The following IVD variants were observed in gnomAD, a reference collection of about 807,000 sequenced individuals.
The protein encoded by IVD is isovaleryl-CoA dehydrogenase, mitochondrial.
A neutral mutation model predicts 51.3 loss-of-function variants in IVD; 31 were observed. The ratio of observed to expected loss-of-function variants is 0.60; its 90% CI spans 0.45 to 0.81. The LOEUF (loss-of-function observed/expected upper bound fraction) is 0.81, where lower values mean the gene tolerates loss of function less well. Among genes scored for constraint, IVD ranks in the 40% least tolerant of loss-of-function variants. The pLI is 0.00. For synonymous variants in IVD, 205 were observed against 219.4 expected, an observed-to-expected ratio of 0.93 and a Z score of 0.58; for missense variants, 475 against 552.0, an observed-to-expected ratio of 0.86 and a Z score of 1.40.
rs1256658195 is a variant in IVD at position 40,415,449 on chromosome 15, G to C, written c.927G>C (p.Arg309Ser). 6.2e-7 allele frequency: 1 copy of C among 1,614,202 alleles called. No individual in the cohort carries two copies. ...LDHTIPYLHV[R>S]EAFGQKIGHF... is the part of the protein sequence containing the mutation. ...ACACCATTCCCTACCTGCACGTGAG[G>C]GAAGCCTTTGGCCAGAAGATCGGCC... The change falls in exon 9 of 12, where the codon AGG becomes AGC. Residue 309 changes from arginine (R) to serine (S), a missense_variant. Coordinates refer to ENST00000487418, the MANE Select transcript of IVD (RefSeq NM_002225.5).
At chr15:40,425,197 T>C (rs976492570), downstream of IVD, among the ~76,000 whole-genome samples, 5 of 152,112 alleles carry the variant, frequency 3.3e-5, no homozygotes, top group African/African-American at 1.2e-4. Flanking sequence ...TGGGAGAGTA[T>C]ATACATGCAC....
chr15:40,435,360 C>T lies in IVD; in HGVS notation c.781-57C>T, dbSNP rs570241887. ...AAGAGATGGTAGAGCTCCTGGTTGG[C>T]AGGCAGGAGCCGCTGGGGTTGTGGA... On this transcript the variant is annotated intron_variant, in intron 8 of 8. Coordinates refer to the IVD transcript ENST00000473112. 4.5e-4 allele frequency: 448 copies of T among 1,000,468 alleles called. 6 individuals carry two copies. In the South Asian group the frequency reaches 0.01, roughly 23 times the overall value. 62.0% of individuals were successfully genotyped at this position (1,000,468 alleles called of 1,614,324 possible).
At chr15:40,413,268 C>T in intron 7 of IVD, 181 bp downstream of exon 7, 1 of 653,120 alleles carries the variant, frequency 1.5e-6, no homozygotes, top group Non-Finnish European at 2.8e-6. Flanking sequence ...CAGGGCCCTG[C>T]AGCGGCATGC....
In IVD at chr15:40,418,628, G is replaced by A. The variant is rs934200186; in HGVS notation, c.*365G>A. 1.0e-4 allele frequency: 115 copies of A among 1,124,772 alleles called. 1 individual carries two copies. The African/African-American group carries it at 1.8e-3, about 17-fold the overall frequency. The allele number at this position is 1,124,772 out of a possible 1,614,324, so 69.7% of individuals were successfully genotyped here. A position where few individuals can be genotyped will look rare whatever the true frequency, so the allele number is the denominator to read the frequency against. On this transcript the variant is annotated 3_prime_UTR_variant, in exon 12 of 12. Transcript: ENST00000487418. ...CCACCTCCCAGGGTAGGCACCTGGG[G>A]GCATGCAGGTACCCACCTCTTTCTC...
intron 1 of IVD, among the ~76,000 whole-genome samples, chr15:40,407,175 T>C (rs1454039053): frequency 6.6e-6 from 1 of 152,244 alleles, no homozygotes; most frequent in Non-Finnish European, 1.5e-5. Context: ...CAAGAGGCGT[T>C]TCTAATCTCT....
chr15:40,414,716 C>A, intron 7 of IVD, 173 bp from the exon 8 acceptor site: 2 of 1,145,358 alleles, frequency 1.7e-6, no homozygotes, highest in African/African-American at 1.5e-5. Context: ...CCACTTCTGA[C>A]TGGAAGGGGT....
Position 40,407,719 on chromosome 15 carries a change from C to T in IVD, c.228C>T (p.Asn76=), listed in dbSNP as rs140098686. Residue 76 remains asparagine (N), a synonymous_variant, in exon 2 of 12, where the codon AAC becomes AAT. Transcript: ENST00000487418. The stretch of plus-strand genomic sequence containing the variant: ...TCGATCGCAGCAATGAGTTCAAGAA[C>T]CTGCGAGTGAGTTGGGAGGTCCGGG... ...QEIDRSNEFK[N]LREFWKQLGN... 220 of 1,614,002 alleles carry T rather than the reference C, an allele frequency of 1.4e-4. 1 individual carries two copies. The African/African-American group carries it at 2.7e-3, about 20-fold the overall frequency.
intron 4 of IVD, 149 bp from the exon 5 acceptor site, chr15:40,411,111 C>CTTA: frequency 2.3e-6 from 2 of 856,658 alleles, no homozygotes; most frequent in South Asian, 2.7e-5. Flanking sequence ...AGCCATTGGG[C>CTTA]TTAGAAGAGA....
Position 40,420,629 on chromosome 15 carries a change from G to C in IVD, c.*2366G>C. The stretch of plus-strand genomic sequence containing the variant: ...GCCTCCCTTTCCCAGATCTCCCAGT[G>C]AGTTTTAAAGGAAGCAGGGAGCCCA... On this transcript the variant is annotated 3_prime_UTR_variant, in exon 12 of 12. Coordinates refer to ENST00000487418, the MANE Select transcript of IVD (RefSeq NM_002225.5). 1 of 987,564 alleles carries C rather than the reference G, an allele frequency of 1.0e-6. No homozygotes were observed. Among genetic ancestry groups the C allele is most frequent in the South Asian group, 4.7e-5 (1 of 21,380 alleles). The allele number at this position is 987,564 out of a possible 1,614,324, so 61.2% of individuals were successfully genotyped here.
At chr15:40,427,423 G>GC (rs1206207850), downstream of IVD, among the ~76,000 whole-genome samples, 2 of 152,236 alleles carry the variant, frequency 1.3e-5, no homozygotes, top group African/African-American at 4.8e-5. Flanking sequence ...TAAGCCCAGC[G>GC]CTGGGGGCTG....
intron 1 of IVD, among the ~76,000 whole-genome samples, chr15:40,407,339 C>T (rs150055242): frequency 4.7e-4 from 72 of 152,338 alleles, no homozygotes; most frequent in African/African-American, 1.7e-3. Context: ...GGGGTCAGCT[C>T]CTGCAGGGCC....
chr15:40,425,129 A>G (rs1293033755), downstream of IVD, among the ~76,000 whole-genome samples: 1 of 152,210 alleles, frequency 6.6e-6, no homozygotes, highest in Non-Finnish European at 1.5e-5. Context: ...TGGAAGGGGA[A>G]AGGGGCAGAG....
In IVD at chr15:40,435,521, C is replaced by T. The variant is rs182842092; in HGVS notation, c.886C>T (p.Leu296Phe). Reference sequence around the variant, plus strand: ...TGCGAGGGAACTGAGATGCAAGATCCTCCTGCCTGAACTCACACCCCGCGT... The same window carrying T: ...TGCGAGGGAACTGAGATGCAAGATCTTCCTGCCTGAACTCACACCCCGCGT... Residue 296 changes from leucine to phenylalanine, a missense_variant, in exon 9 of 9, where the codon CTC (leucine) becomes TTC (phenylalanine). Physicochemically the swap from Leu to Phe is conservative, Grantham distance 22. Coordinates refer to the IVD transcript ENST00000473112. 3.9e-5 allele frequency: 48 copies of T among 1,243,782 alleles called. No individual in the cohort carries two copies. The South Asian group carries it at 6.2e-4, about 16-fold the overall frequency. 77.0% of individuals were successfully genotyped at this position (1,243,782 alleles called of 1,614,324 possible). A position where few individuals can be genotyped will look rare whatever the true frequency, so the allele number is the denominator to read the frequency against.
At chr15:40,421,341 G>A (rs900838689), downstream of IVD, 2 of 985,332 alleles carry the variant, frequency 2.0e-6, no homozygotes, top group African/African-American at 3.5e-5. Context: ...GGAAGAACAA[G>A]GGGCACGTCT....
rs1891458307 is a variant in IVD, at chr15:40,414,744, T to C, written c.785-145T>C. The C allele has an allele frequency of 9.9e-6, 14 of 1,408,646 alleles. No homozygotes were observed. In the South Asian group the frequency reaches 1.7e-4, roughly 17 times the overall value. The allele number at this position is 1,408,646 out of a possible 1,614,324, so 87.3% of individuals were successfully genotyped here. A position where few individuals can be genotyped will look rare whatever the true frequency, so the allele number is the denominator to read the frequency against. On this transcript the variant is annotated intron_variant, in intron 7 of 11. Transcript: ENST00000487418. The stretch of plus-strand genomic sequence containing the variant: ...GAAGGGGTTCACTTGATCCTTTTCT[T>C]TCACCTGGAACCTTAGTTGAATAAA...
Position 40,412,992 on chromosome 15 carries a change from G to T in IVD, c.689G>T (p.Gly230Val). ...GACCACCTTTTGTTTCCTGTAAAGG[G>T]TATGCCTGGCTTTAGCACCTCTAAG... ...RGITAFIVEK[G>V]MPGFSTSKKL... is the part of the protein sequence containing the mutation. The change falls in exon 7 of 12, where the codon GGT (glycine) becomes GTT (valine). Residue 230 changes from glycine (G) to valine (V), a missense_variant and splice_region_variant. Gly to Val is a moderately radical substitution (Grantham distance 109, BLOSUM62 -3). Transcript: ENST00000487418. The T allele has an allele frequency of 1.2e-6, 2 of 1,613,624 alleles. No homozygotes were observed. Among genetic ancestry groups the T allele is most frequent in the Non-Finnish European group, 1.7e-6 (2 of 1,179,524 alleles).
chr15:40,433,440 T>C (rs1236449422), intron 7 of IVD, among the ~76,000 whole-genome samples: 1 of 152,220 alleles, frequency 6.6e-6, no homozygotes, highest in Admixed American at 6.5e-5. Context: ...ATTCCAGATC[T>C]GGATTTCTTC....
intron 2 of IVD, 46 bp downstream of exon 2, chr15:40,407,771 C>A: frequency 6.6e-7 from 1 of 1,516,564 alleles, no homozygotes; most frequent in Non-Finnish European, 9.2e-7. Flanking sequence ...GGGAGTGGGG[C>A]TGAGCTGCAC....
In IVD at chr15:40,414,925, A is replaced by G. The variant is rs764657640; in HGVS notation, c.821A>G (p.Tyr274Cys). ...CTGGGCCATGAGAATAAGGGTGTCT[A>G]CGTGCTGATGAGTGGGCTGGACCTG... The part of the protein sequence containing the change: ...NILGHENKGV[Y>C]VLMSGLDLER... Residue 274 changes from tyrosine to cysteine, a missense_variant, in exon 8 of 12, where the codon TAC becomes TGC. Coordinates refer to ENST00000487418, the MANE Select transcript of IVD (RefSeq NM_002225.5). 6 of 1,614,136 alleles carry G rather than the reference A, an allele frequency of 3.7e-6. No homozygotes were observed. In the South Asian group the frequency reaches 5.5e-5, roughly 15 times the overall value.
Sources: allele counts gnomAD v4.1 joint callset (sites outside exome capture counted in the v4.1 genomes callset), GRCh38; gene constraint gnomAD v4.1.1; transcripts MANE v1.5; gene names NCBI Gene and HGNC (gene_info 2026-07-23, HGNC 2026-07-21).